Variants in MYO7B observed in about 807,000 individuals in gnomAD.
MYO7B encodes the protein unconventional myosin-VIIb.
A neutral mutation model predicts 259.7 loss-of-function variants in MYO7B; 212 were observed. That is an observed-to-expected ratio of 0.82 (90% CI 0.73 to 0.91). The LOEUF (loss-of-function observed/expected upper bound fraction) is 0.91. MYO7B is among the 40% of genes least tolerant of loss of function. The pLI is 0.00. For missense variants in MYO7B, 2,732 were observed against 2,813.5 expected, an observed-to-expected ratio of 0.97 and a Z score of 0.66; for synonymous variants, 1,197 against 1,166.4, an observed-to-expected ratio of 1.03 and a Z score of -0.54.
In MYO7B at chr2:127,561,055, G is replaced by C. The variant is rs536562590; in HGVS notation, c.18+1315G>C. ...GTAACTAAGTTGCAAACATGAGAGC[G>C]TGGCTCCACTTTGGAGCATGATGTG... On this transcript the variant is annotated intron_variant, in intron 2 of 47. Transcript: ENST00000409816. 2.9e-4 allele frequency among the ~76,000 whole-genome samples: 44 copies of C among 152,262 alleles called. 1 individual carries two copies. The Middle Eastern group carries it at 0.017, about 59-fold the overall frequency.
chr2:127,565,346 G>T lies in MYO7B; in HGVS notation c.246G>T (p.Val82=). 2 of 1,614,062 alleles carry T rather than the reference G, an allele frequency of 1.2e-6. No homozygotes were observed. The highest frequency in any genetic ancestry group is 1.7e-6 in the Non-Finnish European group (2 of 1,179,892). The change falls in exon 4 of 48, where the codon GTG becomes GTT. Residue 82 remains valine (V), a synonymous_variant. Coordinates refer to ENST00000409816, the MANE Select transcript of MYO7B (RefSeq NM_001393586.1). ...GGGACCTGAACGAGGCAGGCATGGTGCACAACCTCCTGATCCGCTACCAGC... is the reference window on the plus strand; with the variant it reads ...GGGACCTGAACGAGGCAGGCATGGTTCACAACCTCCTGATCCGCTACCAGC... ...RLGDLNEAGM[V]HNLLIRYQQH...
intron 10 of MYO7B, 133 bp from the exon 11 acceptor site, chr2:127,581,758 T>TG: frequency 7.9e-7 from 1 of 1,265,878 alleles, no homozygotes; most frequent in Non-Finnish European, 1.1e-6. Context: ...GGCCCTGGCC[T>TG]CGGGCAGCGC....
rs112491844 is a variant in MYO7B, at chr2:127,555,534, G to A, written c.-23-4166G>A. On this transcript the variant is annotated intron_variant, in intron 1 of 47. Coordinates refer to ENST00000409816, the MANE Select transcript of MYO7B (RefSeq NM_001393586.1). ...CAGATTTTTTGATGTAGGCATTTAA[G>A]GCTATAAACTTTCCTCTTAGCATTG... 9.6e-3 allele frequency among the ~76,000 whole-genome samples: 1,460 copies of A among 152,216 alleles called. 23 individuals carry two copies. The highest frequency in any genetic ancestry group is 0.034 in the African/African-American group (1,395 of 41,526).
At chr2:127,606,941 GC>G (rs956297342) in intron 20 of MYO7B, among the ~76,000 whole-genome samples, 3 of 152,300 alleles carry the variant, frequency 2.0e-5, no homozygotes, top group Admixed American at 6.5e-5. Flanking sequence ...TCCATCCACG[GC>G]CCCAAGGAGG....
At position 127,607,049 on chromosome 2, in the gene MYO7B, T is replaced by G. The variant is rs1190168382; in HGVS notation, c.2425-157T>G. 6.6e-6 allele frequency among the ~76,000 whole-genome samples: 1 copy of G among 152,290 alleles called. No homozygotes were observed. The highest frequency in any genetic ancestry group is 1.5e-5 in the Non-Finnish European group (1 of 68,054). On this transcript the variant is annotated intron_variant, in intron 20 of 47. Transcript: ENST00000409816. The surrounding 1 kb of genome is among the most constrained non-coding windows in gnomAD (Gnocchi z 4.4). ...TACTTTGTAAGCAATAACTCACTAT[T>G]CTTGTGTTCATAGGTGTGTACCATT... is the stretch of plus-strand genomic sequence containing the variant.
chr2:127,590,218 A>C lies in MYO7B; in HGVS notation c.1981A>C (p.Lys661Gln). 1 of 1,612,812 alleles carries C rather than the reference A, an allele frequency of 6.2e-7. No individual in the cohort carries two copies. The highest frequency in any genetic ancestry group is 1.3e-5 in the African/African-American group (1 of 75,052). Residue 661 changes from lysine to glutamine, a missense_variant, in exon 16 of 48, where the codon AAG becomes CAG. By Grantham distance (53) the Lys-to-Gln change is moderately conservative (BLOSUM62 1). Transcript: ENST00000409816. This position sits in a 1 kb window ranked among gnomAD's most constrained non-coding sequence, Gnocchi z 4.6. Reference protein sequence around the residue: ...FIRCIKPNEYKKPLLFDRELC... With the variant: ...FIRCIKPNEYQKPLLFDRELC... Reference sequence around the variant, plus strand: ...CCGCTGCATCAAACCTAATGAGTACAAGAAGCCGCTGGTAATGACAGGAGG... The same window carrying C: ...CCGCTGCATCAAACCTAATGAGTACCAGAAGCCGCTGGTAATGACAGGAGG...
Position 127,584,983 on chromosome 2 carries a change from G to A in MYO7B, c.1690+70G>A. 1 of 1,581,780 alleles carries A rather than the reference G, an allele frequency of 6.3e-7. No individual in the cohort carries two copies. The highest frequency in any genetic ancestry group is 1.2e-5 in the South Asian group (1 of 86,070). On this transcript the variant is annotated intron_variant, in intron 14 of 47. Coordinates refer to ENST00000409816, the MANE Select transcript of MYO7B (RefSeq NM_001393586.1). The surrounding 1 kb of genome is among the most constrained non-coding windows in gnomAD (Gnocchi z 5.8). The stretch of plus-strand genomic sequence containing the variant: ...GTTCCAGGGAGACCGTGGAAAGCAG[G>A]CTCAGAGGATGAGGCTATTTTGCAG...
At chr2:127,573,746 A>G (rs1678741631) in intron 6 of MYO7B, among the ~76,000 whole-genome samples, 174 bp from the exon 7 acceptor site, 1 of 152,036 alleles carries the variant, frequency 6.6e-6, no homozygotes, top group South Asian at 2.1e-4. Context: ...TTTTCCCTGC[A>G]TTTTTGTCTT....
chr2:127,598,158 A>G (rs1269191655), intron 19 of MYO7B, among the ~76,000 whole-genome samples: 2 of 152,212 alleles, frequency 1.3e-5, no homozygotes, highest in Non-Finnish European at 2.9e-5. Context: ...TACAACGGTT[A>G]CAAGTTTTGT....
chr2:127,595,367 T>A (rs941748412), intron 18 of MYO7B, among the ~76,000 whole-genome samples: 2 of 152,288 alleles, frequency 1.3e-5, no homozygotes. Context: ...CTTTTCTTCT[T>A]TTTTAGTCTA....
At position 127,636,873 on chromosome 2, in the gene MYO7B, G is replaced by A; in HGVS notation, c.6287G>A (p.Ser2096Asn). 6.2e-7 allele frequency: 1 copy of A among 1,613,518 alleles called. No homozygotes were observed. The highest frequency in any genetic ancestry group is 1.1e-5 in the South Asian group (1 of 91,080). Residue 2096 changes from serine to asparagine, a missense_variant, in exon 47 of 48, where the codon AGC (serine) becomes AAC (asparagine). By Grantham distance (46) the Ser-to-Asn change is conservative. Transcript: ENST00000409816. The surrounding 1 kb of genome is among the most constrained non-coding windows in gnomAD (Gnocchi z 4.5). ...ACCTACTTCCACATGGCGCTGGGGA[G>A]CCTGGGCCGTGGCAGCCGCCTGCTG... ...GSTYFHMALG[S>N]LGRGSRLLCE...
rs1573734382 is a variant in MYO7B at position 127,636,650 on chromosome 2, G to C, written c.6207+22G>C. ...CAAGGTAGCTGCTGGGCCTCCGGAG[G>C]GGCTGGGGGCCACCAGGTCCAGGGA... On this transcript the variant is annotated intron_variant, in intron 46 of 47. Coordinates refer to ENST00000409816, the MANE Select transcript of MYO7B (RefSeq NM_001393586.1). The surrounding 1 kb of genome is among the most constrained non-coding windows in gnomAD (Gnocchi z 4.5). 6.2e-7 allele frequency: 1 copy of C among 1,609,176 alleles called. No homozygotes were observed. The highest frequency in any genetic ancestry group is 8.5e-7 in the Non-Finnish European group (1 of 1,177,754).
chr2:127,571,442 G>GTTTTTTTTTTTTTTTTTTTTT lies in MYO7B; in HGVS notation c.592+1549_592+1550insTTTTTTTTTTTTTTTTTTTTT. 3.1e-3 allele frequency among the ~76,000 whole-genome samples: 131 copies of GTTTTTTTTTTTTTTTTTTTTT among 41,770 alleles called. 10 individuals are homozygous for GTTTTTTTTTTTTTTTTTTTTT. Among genetic ancestry groups the GTTTTTTTTTTTTTTTTTTTTT allele is most frequent in the East Asian group, 6.1e-3 (4 of 660 alleles). 27.4% of individuals were successfully genotyped at this position (41,770 alleles called of 152,430 possible). On this transcript the variant is annotated intron_variant, in intron 6 of 47. Transcript: ENST00000409816. ...AATTGGTCTATTTCCTTACCAGTGA[G>GTTTTTTTTTTTTTTTTTTTTT]TTTTTTTTTTTTTTTTTGCTTGTTT...
rs1681814996 is a variant in MYO7B at position 127,636,471 on chromosome 2, G to A, written c.6124-74G>A. ...GGGTGTATGTGTGTATGTGCGTGTG[G>A]CCTAGATGAGCTCCTGGGAGGTGCA... On this transcript the variant is annotated intron_variant, in intron 45 of 47. Transcript: ENST00000409816. The surrounding 1 kb of genome is among the most constrained non-coding windows in gnomAD (Gnocchi z 4.5). 2 of 1,482,798 alleles carry A rather than the reference G, an allele frequency of 1.3e-6. No individual in the cohort carries two copies. Among genetic ancestry groups the A allele is most frequent in the Admixed American group, 1.9e-5 (1 of 52,750 alleles). The allele number at this position is 1,482,798 out of a possible 1,614,324, so 91.9% of individuals were successfully genotyped here. A position where few individuals can be genotyped will look rare whatever the true frequency, so the allele number is the denominator to read the frequency against.
rs1036096605 is a variant in MYO7B, at chr2:127,612,256, G to A, written c.3199G>A (p.Gly1067Ser). Residue 1067 changes from glycine (G) to serine (S), a missense_variant, in exon 25 of 48, where the codon GGC (glycine) becomes AGC (serine). Gly to Ser is a moderately conservative substitution (Grantham distance 56, BLOSUM62 0). Transcript: ENST00000409816. ...GAACTGTCTCCCTCCACAGAGATCT[G>A]GCTGCAAGGACAAGGGGACCAAGGA... ...PQHSRSAQRS[G>S]CKDKGTKDIS... The A allele has an allele frequency of 1.5e-6, 1 of 664,852 alleles. No individual in the cohort carries two copies. The highest frequency in any genetic ancestry group is 2.1e-5 in the Admixed American group (1 of 47,676). 41.2% of individuals were successfully genotyped at this position (664,852 alleles called of 1,614,324 possible).
chr2:127,624,932 G>A (rs1199508746), intron 30 of MYO7B, among the ~76,000 whole-genome samples: 2 of 152,194 alleles, frequency 1.3e-5, no homozygotes, highest in Admixed American at 1.3e-4. Flanking sequence ...AGAGGCATGG[G>A]CAGGGGGTGG....
intron 20 of MYO7B, among the ~76,000 whole-genome samples, chr2:127,606,222 T>C (rs914697042): frequency 6.6e-6 from 1 of 152,240 alleles, no homozygotes; most frequent in African/African-American, 2.4e-5. Context: ...CTCCTGTCTT[T>C]TCCCAACTTG....
chr2:127,634,828 C>G, intron 42 of MYO7B, 145 bp downstream of exon 42: 1 of 812,918 alleles, frequency 1.2e-6, no homozygotes, highest in East Asian at 2.7e-5. Flanking sequence ...GCCCTGGGGC[C>G]CGGCGGTGAG....
chr2:127,582,109 G>A, intron 11 of MYO7B, 99 bp downstream of exon 11: 2 of 1,560,820 alleles, frequency 1.3e-6, no homozygotes, highest in Non-Finnish European at 1.7e-6. Context: ...GAGGGCCCTG[G>A]GCAGGTCCCC....
Sources: allele counts gnomAD v4.1 joint callset (sites outside exome capture counted in the v4.1 genomes callset), GRCh38; gene constraint gnomAD v4.1.1; non-coding constraint Gnocchi (gnomAD v3.1); transcripts MANE v1.5; gene names NCBI Gene and HGNC (gene_info 2026-07-23, HGNC 2026-07-21).